DPY19L2: variants seen among roughly 807,000 people sequenced by gnomAD.
DPY19L2 encodes dpy-19 like 2.
DPY19L2 carries 34 observed loss-of-function variants against 97.9 expected under a neutral mutation model. The ratio of observed to expected loss-of-function variants is 0.35; its 90% CI spans 0.26 to 0.46. The LOEUF is 0.46. Among genes scored for constraint, DPY19L2 ranks in the 20% least tolerant of loss-of-function variants. The probability of loss-of-function intolerance (pLI) is 1.00; values close to 1 mark genes in which losing one functional copy is unlikely to be tolerated. For synonymous variants in DPY19L2, 230 were observed against 307.9 expected (o/e 0.75, Z 2.65); for missense variants, 623 against 911.4 (o/e 0.68, Z 4.07).
At chr12:63,637,259 C>T (rs187548062) in intron 6 of DPY19L2, among the ~76,000 whole-genome samples, 21 of 152,118 alleles carry the variant, frequency 1.4e-4, no homozygotes, top group African/African-American at 4.8e-4. Context: ...TACAACATAC[C>T]AGAATCTCTG....
At chr12:63,579,335 A>G (rs1001706749) in intron 19 of DPY19L2, among the ~76,000 whole-genome samples, 4 of 152,214 alleles carry the variant, frequency 2.6e-5, no homozygotes, top group Non-Finnish European at 4.4e-5. Flanking sequence ...ATACAACCGT[A>G]TATGGCAGAC....
chr12:63,642,678 C>A (rs1892868019), intron 6 of DPY19L2, among the ~76,000 whole-genome samples: 1 of 151,938 alleles, frequency 6.6e-6, no homozygotes, highest in African/African-American at 2.4e-5. Context: ...ATTGCTGTGC[C>A]AATATCATAG....
chr12:63,600,473 A>C, intron 12 of DPY19L2, 87 bp from the exon 13 acceptor site: 2 of 1,168,024 alleles, frequency 1.7e-6, no homozygotes, highest in Admixed American at 4.2e-5. Context: ...ACATAGAAAA[A>C]ATTTAATTAT....
At chr12:63,629,335 G>T (rs1890158684) in intron 6 of DPY19L2, among the ~76,000 whole-genome samples, 1 of 152,066 alleles carries the variant, frequency 6.6e-6, no homozygotes, top group South Asian at 2.1e-4. Flanking sequence ...TTAGACGAAT[G>T]GCTAACTAGA....
At chr12:63,666,169 A>G (rs180750385) in intron 1 of DPY19L2, among the ~76,000 whole-genome samples, 3 of 152,152 alleles carry the variant, frequency 2.0e-5, no homozygotes, top group African/African-American at 7.2e-5. Context: ...TTTTTTCAGT[A>G]TTATTTTCTA....
chr12:63,654,803 A>G (rs1280334055), intron 4 of DPY19L2, among the ~76,000 whole-genome samples: 3 of 152,178 alleles, frequency 2.0e-5, no homozygotes, highest in Non-Finnish European at 4.4e-5. Flanking sequence ...TCCTAAATGC[A>G]TATGTGCCAA....
At chr12:63,664,947 C>A (rs1220501940) in intron 2 of DPY19L2, among the ~76,000 whole-genome samples, 3 of 152,046 alleles carry the variant, frequency 2.0e-5, no homozygotes, top group Non-Finnish European at 4.4e-5. Flanking sequence ...AACACAGGGG[C>A]AGATCTCATA....
At chr12:63,631,486 A>C (rs7300834) in intron 6 of DPY19L2, among the ~76,000 whole-genome samples, 41,920 of 151,508 alleles carry the variant, frequency 0.28, 6,432 homozygotes, top group African/African-American at 0.41. Context: ...AATTCCTGGA[A>C]ATATACACCC....
At chr12:63,608,468 C>G in intron 12 of DPY19L2, 148 bp downstream of exon 12, 1 of 910,808 alleles carries the variant, frequency 1.1e-6, no homozygotes, top group Non-Finnish European at 1.6e-6. Flanking sequence ...CCTTACATAT[C>G]TATCTACCTT....
intron 4 of DPY19L2, among the ~76,000 whole-genome samples, chr12:63,656,288 T>C (rs1423567826): frequency 6.6e-6 from 1 of 152,170 alleles, no homozygotes; most frequent in African/African-American, 2.4e-5. Context: ...CTGGTTTTGT[T>C]CTCAATTCAA....
chr12:63,626,382 A>G, intron 7 of DPY19L2, 87 bp downstream of exon 7: 1 of 1,368,638 alleles, frequency 7.3e-7, no homozygotes. Flanking sequence ...TAAGTAGTAT[A>G]CAATTAAATA....
chr12:63,667,980 T>C lies in DPY19L2; in HGVS notation c.337+77A>G. The C allele has an allele frequency of 5.3e-6, 8 of 1,508,182 alleles. 1 individual carries two copies. In the South Asian group the frequency reaches 9.2e-5, roughly 17 times the overall value. 93.4% of individuals were successfully genotyped at this position (1,508,182 alleles called of 1,614,324 possible). A position where few individuals can be genotyped will look rare whatever the true frequency, so the allele number is the denominator to read the frequency against. ...TACTAGGCACCCACAAACCCTTGCT[T>C]GTTAAACTGATCTCCTTCAAGACTC... is the stretch of plus-strand genomic sequence containing the variant. On this transcript the variant is annotated intron_variant, in intron 1 of 21. Transcript: ENST00000324472.
In DPY19L2 at chr12:63,583,165, T is replaced by G. The variant is rs137946895; in HGVS notation, c.1606-640A>C. ...TGAAAAGCCTCTAGTCCTAAGCATT[T>G]TGGATAAGGGATACTCAACATGTGT... On this transcript the variant is annotated intron_variant, in intron 17 of 21. Transcript: ENST00000324472. Among the ~76,000 whole-genome samples the G allele has an allele frequency of 2.6e-5, 4 of 152,294 alleles. No individual in the cohort carries two copies. In the East Asian group the frequency reaches 7.7e-4, roughly 29 times the overall value.
chr12:63,661,336 T>C lies in DPY19L2; in HGVS notation c.588+8A>G. The C allele has an allele frequency of 1.9e-6, 3 of 1,565,218 alleles. No homozygotes were observed. Among genetic ancestry groups the C allele is most frequent in the Non-Finnish European group, 2.6e-6 (3 of 1,164,756 alleles). ...TACAAATATTATTTGTCTCAAATTA[T>C]GACTCACCTCTGGATAAAGATGGAA... On this transcript the variant is annotated splice_region_variant and intron_variant, in intron 4 of 21. Coordinates refer to ENST00000324472, the MANE Select transcript of DPY19L2 (RefSeq NM_173812.5).
chr12:63,616,623 C>G (rs1307061180), intron 11 of DPY19L2, among the ~76,000 whole-genome samples: 2 of 152,128 alleles, frequency 1.3e-5, no homozygotes, highest in Non-Finnish European at 2.9e-5. Flanking sequence ...ATTTACTAAA[C>G]CACCCTTCCA....
At chr12:63,661,740 T>C (rs1895704405) in intron 3 of DPY19L2, among the ~76,000 whole-genome samples, 1 of 152,144 alleles carries the variant, frequency 6.6e-6, no homozygotes, top group African/African-American at 2.4e-5. Context: ...AGAGTTTCTC[T>C]AATAATGTCT....
At chr12:63,578,129 C>T (rs898457682) in intron 19 of DPY19L2, among the ~76,000 whole-genome samples, 4 of 151,946 alleles carry the variant, frequency 2.6e-5, no homozygotes, top group Admixed American at 2.6e-4. Context: ...CGAATGAGAA[C>T]CTGTCATAAA....
intron 6 of DPY19L2, among the ~76,000 whole-genome samples, chr12:63,641,231 G>C (rs1391814130): frequency 6.6e-6 from 1 of 151,586 alleles, no homozygotes; most frequent in East Asian, 1.9e-4. Flanking sequence ...TAAAAAAATA[G>C]AACATTTTTA....
intron 6 of DPY19L2, among the ~76,000 whole-genome samples, chr12:63,640,993 C>T (rs181675524): frequency 3.9e-5 from 6 of 152,098 alleles, no homozygotes; most frequent in Admixed American, 6.5e-5. Context: ...CCCAGGTTCA[C>T]GCCATTCTCC....
Sources: gnomAD v4.1 joint callset for allele counts (sites outside exome capture counted in the v4.1 genomes callset) on GRCh38, gnomAD v4.1.1 for gene constraint, MANE v1.5 for transcripts, NCBI Gene and HGNC (gene_info 2026-07-23, HGNC 2026-07-21) for gene names.